Variants in PTGR1 observed in about 807,000 individuals in gnomAD.
PTGR1 encodes prostaglandin reductase 1.
PTGR1 carries 23 observed loss-of-function variants against 37.7 expected under a neutral mutation model. The ratio of observed to expected loss-of-function variants is 0.61; its 90% confidence interval spans 0.44 to 0.86. The LOEUF is 0.86. Ranked by LOEUF, PTGR1 falls within the 40% of genes least tolerant of loss-of-function variation. The pLI is 0.00. For missense variants in PTGR1, 351 were observed against 394.3 expected (o/e 0.89, Z 0.93); for synonymous variants, 134 against 140.0 (o/e 0.96, Z 0.30).
chr9:111,561,183 G>A (rs180804440), downstream of PTGR1, among the ~76,000 whole-genome samples: 6,127 of 130,530 alleles, frequency 0.047, 329 homozygotes, highest in African/African-American at 0.084. Flanking sequence ...GAGAGAAAGA[G>A]AGAGAGATTC....
intron 9 of PTGR1, among the ~76,000 whole-genome samples, chr9:111,556,157 T>C (rs1008535757): frequency 2.6e-4 from 39 of 152,206 alleles, no homozygotes; most frequent in African/African-American, 7.7e-4. Context: ...CAAAACCTGG[T>C]GGGGCAGTCA....
At chr9:111,556,156 G>A (rs1054493289) in intron 9 of PTGR1, among the ~76,000 whole-genome samples, 2 of 152,224 alleles carry the variant, frequency 1.3e-5, no homozygotes, top group African/African-American at 4.8e-5. Flanking sequence ...CCAAAACCTG[G>A]TGGGGCAGTC....
At chr9:111,584,651 A>C (rs575840814) in intron 5 of PTGR1, among the ~76,000 whole-genome samples, 2 of 152,308 alleles carry the variant, frequency 1.3e-5, no homozygotes, top group African/African-American at 4.8e-5. Flanking sequence ...GGGAAGAAGG[A>C]AAGGGGGAAA....
rs150652471 is a variant in PTGR1 at position 111,575,133 on chromosome 9, T to A, written c.652-291A>T. Among the ~76,000 whole-genome samples, 342 of 152,216 alleles carry A rather than the reference T, an allele frequency of 2.2e-3. 13 individuals are homozygous for A. In the East Asian group the frequency reaches 0.062, roughly 28 times the overall value. ...CTGGCCAACATGGTAAAATCCTGTC[T>A]CTACTAAAGATACAAAAAATTAGAA... On this transcript the variant is annotated intron_variant, in intron 7 of 9. Coordinates refer to ENST00000407693, the MANE Select transcript of PTGR1 (RefSeq NM_001146108.2).
intron 4 of PTGR1, among the ~76,000 whole-genome samples, chr9:111,588,753 T>C (rs1829518632): frequency 6.6e-6 from 1 of 151,842 alleles, no homozygotes; most frequent in East Asian, 1.9e-4. Context: ...CTTGAACTCC[T>C]GACCTCAGGT....
At chr9:111,596,926 C>CAAAA (rs71494900) in intron 2 of PTGR1, among the ~76,000 whole-genome samples, 4,468 of 90,184 alleles carry the variant, frequency 0.05, 162 homozygotes, top group African/African-American at 0.088. Context: ...GACTCTGTCT[C>CAAAA]AAAAAAAAAA....
intron 6 of PTGR1, among the ~76,000 whole-genome samples, 171 bp from the exon 7 acceptor site, chr9:111,579,122 C>T (rs113851234): frequency 6.6e-6 from 1 of 151,456 alleles, no homozygotes; most frequent in South Asian, 2.1e-4. Flanking sequence ...TGAAATCAGT[C>T]CCCGGACCAT....
intron 4 of PTGR1, among the ~76,000 whole-genome samples, chr9:111,591,296 T>C (rs1419853919): frequency 6.8e-6 from 1 of 146,506 alleles, no homozygotes; most frequent in African/African-American, 2.5e-5. Context: ...AGACTCCGTC[T>C]CAAAAAAAAA....
chr9:111,555,159 T>C (rs1828085418), intron 9 of PTGR1, among the ~76,000 whole-genome samples: 1 of 152,156 alleles, frequency 6.6e-6, no homozygotes, highest in African/African-American at 2.4e-5. Flanking sequence ...TTCTATCTTA[T>C]TTCCATCCTC....
chr9:111,592,002 G>A (rs917501218), intron 4 of PTGR1, among the ~76,000 whole-genome samples: 2 of 152,190 alleles, frequency 1.3e-5, no homozygotes, highest in African/African-American at 4.8e-5. Context: ...TGCCAGAAAT[G>A]CAGATTTTCA....
chr9:111,555,738 C>T (rs10980941), intron 9 of PTGR1, among the ~76,000 whole-genome samples: 48,425 of 151,880 alleles, frequency 0.32, 8,747 homozygotes, highest in Non-Finnish European at 0.42. Flanking sequence ...ATCATGAGAA[C>T]AACAGGAGGG....
intron 9 of PTGR1, 57 bp downstream of exon 9, chr9:111,570,034 G>A (rs1225929777): frequency 6.2e-7 from 1 of 1,607,038 alleles, no homozygotes; most frequent in Admixed American, 1.7e-5. Context: ...AGCCTTGAGA[G>A]GCAAAGGGAG....
At chr9:111,560,378 G>C (rs1201633081), downstream of PTGR1, among the ~76,000 whole-genome samples, 2 of 151,398 alleles carry the variant, frequency 1.3e-5, no homozygotes, top group African/African-American at 2.4e-5. Flanking sequence ...GGAGGCTGAG[G>C]CAGGAGAATC....
At chr9:111,564,561 C>T (rs997868885) in intron 9 of PTGR1, among the ~76,000 whole-genome samples, 1 of 151,726 alleles carries the variant, frequency 6.6e-6, no homozygotes, top group Non-Finnish European at 1.5e-5. Context: ...CCACCTCAGC[C>T]TCCCAAAGTG....
chr9:111,588,196 A>ATTT (rs71302619), intron 4 of PTGR1, among the ~76,000 whole-genome samples: 24 of 126,838 alleles, frequency 1.9e-4, no homozygotes, highest in African/African-American at 4.3e-4. Flanking sequence ...CATCCAGCTA[A>ATTT]TTTTTTTTTT....
chr9:111,576,388 A>G, intron 7 of PTGR1: 2 of 1,614,166 alleles, frequency 1.2e-6, no homozygotes, highest in Non-Finnish European at 1.7e-6. Context: ...AGTAAAAAAG[A>G]TGCAGATGTT....
At chr9:111,585,466 A>G (rs1829401840) in intron 5 of PTGR1, among the ~76,000 whole-genome samples, 1 of 152,230 alleles carries the variant, frequency 6.6e-6, no homozygotes, top group Admixed American at 6.5e-5. Flanking sequence ...GGAATTATTT[A>G]GTGTCCACTA....
intron 9 of PTGR1, among the ~76,000 whole-genome samples, chr9:111,550,251 T>C (rs1037681442): frequency 6.6e-6 from 1 of 152,134 alleles, no homozygotes; most frequent in African/African-American, 2.4e-5. Context: ...GAAAAACAGG[T>C]TTCATCCCTT....
chr9:111,560,974 T>TAG (rs1172194603), downstream of PTGR1, among the ~76,000 whole-genome samples: 1 of 9,334 alleles, frequency 1.1e-4, no homozygotes, highest in African/African-American at 4.9e-4. Flanking sequence ...TATATATATA[T>TAG]AGAGAGAGAG....
Sources: allele counts gnomAD v4.1 joint callset (sites outside exome capture counted in the v4.1 genomes callset), GRCh38; gene constraint gnomAD v4.1.1; transcripts MANE v1.5; gene names NCBI Gene and HGNC (gene_info 2026-07-23, HGNC 2026-07-21).